Variants in RABEPK observed in about 807,000 individuals in gnomAD.
RABEPK encodes 40 kDa Rab9 effector protein.
In RABEPK, 27 loss-of-function variants were observed where a neutral mutation model predicts 34.1. The observed-to-expected ratio is 0.79, with a 90% confidence interval of 0.58 to 1.09. The LOEUF (loss-of-function observed/expected upper bound fraction) is 1.09, where lower values mean the gene tolerates loss of function less well. Among genes scored for constraint, RABEPK ranks in the 50% least tolerant of loss-of-function variants. The pLI, the probability that RABEPK is intolerant of heterozygous loss-of-function variation, is 0.00. For synonymous variants in RABEPK, 172 were observed against 169.2 expected (o/e 1.02, Z -0.13); for missense variants, 449 against 462.6 (o/e 0.97, Z 0.27).
At chr9:125,212,308 C>T (rs985163272) in intron 3 of RABEPK, among the ~76,000 whole-genome samples, 1 of 152,194 alleles carries the variant, frequency 6.6e-6, no homozygotes, top group Non-Finnish European at 1.5e-5. Context: ...CAAGCTCCAC[C>T]TCCCGGGTTA....
chr9:125,220,515 GT>G, intron 4 of RABEPK, 23 bp from the exon 5 acceptor site: 1 of 1,602,912 alleles, frequency 6.2e-7, no homozygotes, highest in Non-Finnish European at 8.5e-7. Context: ...GATATTTTAA[GT>G]GCCTGCATTC....
At chr9:125,222,917 C>T (rs891673012) in intron 5 of RABEPK, among the ~76,000 whole-genome samples, 1 of 152,066 alleles carries the variant, frequency 6.6e-6, no homozygotes, top group Non-Finnish European at 1.5e-5. Context: ...AGTGATCCTT[C>T]AGCTTTGGTC....
At position 125,218,128 on chromosome 9, in the gene RABEPK, G is replaced by A. The variant is rs937511014; in HGVS notation, c.365-2411G>A. Among the ~76,000 whole-genome samples the A allele has an allele frequency of 5.5e-5, 8 of 144,926 alleles. No homozygotes were observed. In the East Asian group the frequency reaches 8.0e-4, roughly 14 times the overall value. ...AGCTCGAGACCATCCTGGCTAACAC[G>A]GTGAAACTCCGTCTCTACTAAAAAA... On this transcript the variant is annotated intron_variant, in intron 4 of 7. Coordinates refer to ENST00000373538, the MANE Select transcript of RABEPK (RefSeq NM_005833.4).
chr9:125,232,586 C>T lies in RABEPK; in HGVS notation c.677-10C>T. 6.2e-7 allele frequency: 1 copy of T among 1,608,336 alleles called. No individual in the cohort carries two copies. The highest frequency in any genetic ancestry group is 8.5e-7 in the Non-Finnish European group (1 of 1,176,952). ...CATGCTGCGCCAAAGCTCTTTCTTT[C>T]TCTTGGCAGGTGACATGAAATGGCA... On this transcript the variant is annotated splice_polypyrimidine_tract_variant and intron_variant, in intron 6 of 7. Transcript: ENST00000373538.
intron 5 of RABEPK, among the ~76,000 whole-genome samples, chr9:125,224,531 C>A (rs560187560): frequency 2.0e-5 from 3 of 150,778 alleles, no homozygotes; most frequent in African/African-American, 7.3e-5. Flanking sequence ...TGGCTCACTG[C>A]AACCTCCACC....
chr9:125,209,356 C>CT (rs1364713319), intron 3 of RABEPK, among the ~76,000 whole-genome samples: 1 of 148,204 alleles, frequency 6.7e-6, no homozygotes, highest in Non-Finnish European at 1.5e-5. Flanking sequence ...ACCACACCAG[C>CT]CTTTTTTTTT....
At chr9:125,212,600 AG>A (rs1830658111) in intron 3 of RABEPK, among the ~76,000 whole-genome samples, 1 of 151,904 alleles carries the variant, frequency 6.6e-6, no homozygotes, top group African/African-American at 2.4e-5. Context: ...CTTAAACCAG[AG>A]GAAAAAGGGG....
chr9:125,206,856 G>T (rs938196986), intron 2 of RABEPK, among the ~76,000 whole-genome samples: 1 of 152,132 alleles, frequency 6.6e-6, no homozygotes, highest in African/African-American at 2.4e-5. Context: ...TTGGGAAGCC[G>T]AGGCGGGCGG....
At chr9:125,212,443 T>A (rs1830646646) in intron 3 of RABEPK, among the ~76,000 whole-genome samples, 1 of 151,976 alleles carries the variant, frequency 6.6e-6, no homozygotes, top group Non-Finnish European at 1.5e-5. Flanking sequence ...ATGGTCTTGA[T>A]CTCCTGACCT....
At chr9:125,229,565 A>G (rs988689591) in intron 6 of RABEPK, among the ~76,000 whole-genome samples, 1 of 152,186 alleles carries the variant, frequency 6.6e-6, no homozygotes, top group African/African-American at 2.4e-5. Flanking sequence ...GCACTAAATA[A>G]TCTCCTGAGT....
At position 125,213,519 on chromosome 9, in the gene RABEPK, C is replaced by T. The variant is rs76114327; in HGVS notation, c.361C>T (p.Pro121Ser). 18 of 1,613,012 alleles carry T rather than the reference C, an allele frequency of 1.1e-5. No homozygotes were observed. In the East Asian group the frequency reaches 3.6e-4, roughly 32 times the overall value. ...TCGAAATTGTCTACAAGTCCTGAATCCTGGTAAGTAGCCAAAGGTTATTTT... is the reference window on the plus strand; with the variant it reads ...TCGAAATTGTCTACAAGTCCTGAATTCTGGTAAGTAGCCAAAGGTTATTTT... The part of the protein sequence containing the change: ...GNRNCLQVLN[P>S]ETRTWTTPEV... Residue 121 changes from proline to serine, a missense_variant, in exon 4 of 8, where the codon CCT becomes TCT. By Grantham distance (74) the Pro-to-Ser change is moderately conservative. Transcript: ENST00000373538.
intron 3 of RABEPK, among the ~76,000 whole-genome samples, chr9:125,209,209 C>T (rs537691563): frequency 1.7e-4 from 25 of 147,412 alleles, no homozygotes; most frequent in African/African-American, 4.5e-4. Context: ...TACAGGTGTG[C>T]GCCACCATGC....
chr9:125,219,953 G>A (rs1831206221), intron 4 of RABEPK, among the ~76,000 whole-genome samples: 1 of 152,122 alleles, frequency 6.6e-6, no homozygotes, highest in East Asian at 1.9e-4. Flanking sequence ...GTAGAAGAGG[G>A]TTCAGAGAGG....
intron 6 of RABEPK, among the ~76,000 whole-genome samples, chr9:125,232,002 C>A (rs1175102263): frequency 6.8e-6 from 1 of 146,662 alleles, no homozygotes; most frequent in African/African-American, 2.5e-5. Flanking sequence ...CAGGTTCAAG[C>A]GATTCTCATG....
At chr9:125,203,101 G>A in intron 2 of RABEPK, 35 bp downstream of exon 2, 1 of 1,583,148 alleles carries the variant, frequency 6.3e-7, no homozygotes, top group Non-Finnish European at 8.7e-7. Context: ...AGAAAAGCAT[G>A]AGTTTTTGTT....
At chr9:125,218,048 A>G (rs1404096397) in intron 4 of RABEPK, among the ~76,000 whole-genome samples, 1 of 151,916 alleles carries the variant, frequency 6.6e-6, no homozygotes, top group Non-Finnish European at 1.5e-5. Context: ...GCGGTAGCTC[A>G]CGCCTGTAAT....
At chr9:125,224,381 C>CT (rs894529816) in intron 5 of RABEPK, among the ~76,000 whole-genome samples, 1 of 150,822 alleles carries the variant, frequency 6.6e-6, no homozygotes, top group Non-Finnish European at 1.5e-5. Context: ...GTATTGGGTA[C>CT]TTTTTTTTCC....
chr9:125,215,671 T>C (rs187774151), intron 4 of RABEPK, among the ~76,000 whole-genome samples: 4 of 152,250 alleles, frequency 2.6e-5, no homozygotes, highest in South Asian at 2.1e-4. Flanking sequence ...CATAATATCA[T>C]AACTTCTCCA....
intron 6 of RABEPK, among the ~76,000 whole-genome samples, chr9:125,231,102 A>G (rs10986659): frequency 0.014 from 2,200 of 151,782 alleles, 110 homozygotes; most frequent in East Asian, 0.083. Flanking sequence ...CAGGAGTTTG[A>G]GACTAGCCTG....
Sources: allele counts gnomAD v4.1 joint callset (sites outside exome capture counted in the v4.1 genomes callset), GRCh38; gene constraint gnomAD v4.1.1; transcripts MANE v1.5; gene names NCBI Gene and HGNC (gene_info 2026-07-23, HGNC 2026-07-21).